CTTN: variants seen among roughly 807,000 people sequenced by gnomAD.
CTTN encodes cortactin, also known as src substrate cortactin.
In CTTN, 28 loss-of-function variants were observed where a neutral mutation model predicts 84.0. The ratio of observed to expected loss-of-function variants is 0.33; its 90% CI spans 0.25 to 0.46. CTTN has a LOEUF of 0.46. Ranked by LOEUF, CTTN falls within the 20% of genes least tolerant of loss-of-function variation. CTTN has a pLI of 1.00. For missense variants in CTTN, 641 were observed against 723.8 expected (o/e 0.89, Z 1.31); for synonymous variants, 301 against 288.8 (o/e 1.04, Z -0.43).
chr11:70,401,978 C>T (rs2057989513), intron 1 of CTTN, among the ~76,000 whole-genome samples: 1 of 151,750 alleles, frequency 6.6e-6, no homozygotes, highest in Admixed American at 6.6e-5. Flanking sequence ...ATAATGAAAC[C>T]CCATCTCTAC....
rs772972755 is a variant in CTTN at position 70,425,742 on chromosome 11, C to T, written c.1027+341C>T. Among the ~76,000 whole-genome samples, 27 of 152,144 alleles carry T rather than the reference C, an allele frequency of 1.8e-4. 1 individual carries two copies. The highest frequency in any genetic ancestry group is 3.9e-4 in the Admixed American group (6 of 15,276). On this transcript the variant is annotated intron_variant, in intron 13 of 17. Coordinates refer to ENST00000301843, the MANE Select transcript of CTTN (RefSeq NM_005231.4). The stretch of plus-strand genomic sequence containing the variant: ...CTGGGGCCTGCCCAACTCCCTGAGC[C>T]GCTCGGTCGCAGCTGTGACAGGAGG...
intron 5 of CTTN, among the ~76,000 whole-genome samples, chr11:70,414,030 A>G (rs1186826491): frequency 2.6e-5 from 4 of 152,120 alleles, no homozygotes; most frequent in South Asian, 4.1e-4. Context: ...CAGGAGCCCA[A>G]GGGCTGGGGT....
intron 8 of CTTN, among the ~76,000 whole-genome samples, chr11:70,418,419 AG>A (rs1223153987): frequency 6.6e-6 from 1 of 152,252 alleles, no homozygotes; most frequent in Non-Finnish European, 1.5e-5. Flanking sequence ...CCAGGGAGCC[AG>A]GGAGCACAGG....
intron 8 of CTTN, among the ~76,000 whole-genome samples, chr11:70,418,118 A>G (rs1424537913): frequency 6.9e-6 from 1 of 144,372 alleles, no homozygotes; most frequent in Admixed American, 7.1e-5. Flanking sequence ...CTATTTAAAA[A>G]CTCAAAAAAA....
chr11:70,433,619 GT>G, intron 16 of CTTN, 27 bp from the exon 17 acceptor site: 1 of 1,529,554 alleles, frequency 6.5e-7, no homozygotes, highest in African/African-American at 1.4e-5. Context: ...ACTTTGTATT[GT>G]TCAGCTCTGT....
intron 9 of CTTN, 199 bp from the exon 10 acceptor site, chr11:70,420,201 A>G (rs1470729878): frequency 1.6e-6 from 1 of 608,158 alleles, no homozygotes; most frequent in Admixed American, 2.9e-5. Flanking sequence ...CACGATGCTG[A>G]GGTCATAGAC....
chr11:70,422,972 G>A lies in CTTN; in HGVS notation c.934G>A (p.Val312Met), dbSNP rs1448464194. The A allele has an allele frequency of 1.2e-6, 2 of 1,613,936 alleles. No individual in the cohort carries two copies. The highest frequency in any genetic ancestry group is 1.7e-6 in the Non-Finnish European group (2 of 1,180,016). The change falls in exon 12 of 18, where the codon GTG (valine) becomes ATG (methionine). Residue 312 changes from valine to methionine, a missense_variant. Val to Met is a conservative substitution (Grantham distance 21). Around this residue, in one of 3 missense-constraint regions of CTTN, gnomAD observed 289 missense variants for 273.1 expected, o/e 1.06. Coordinates refer to ENST00000301843, the MANE Select transcript of CTTN (RefSeq NM_005231.4). ...CAAAGGATTCGGCGGGAAGTATGGG[G>A]TGCAGAAGGATCGGATGGATAAGGT... ...YSKGFGGKYG[V>M]QKDRMDKNAS...
intron 11 of CTTN, 127 bp from the exon 12 acceptor site, chr11:70,422,813 C>A: frequency 6.5e-7 from 1 of 1,528,736 alleles, no homozygotes. Context: ...CCTCGCTTGG[C>A]CATTCTCGTT....
chr11:70,417,807 G>T (rs926375095), intron 8 of CTTN, among the ~76,000 whole-genome samples: 2 of 152,166 alleles, frequency 1.3e-5, no homozygotes, highest in African/African-American at 4.8e-5. Flanking sequence ...AAACTTGACT[G>T]CAGGGAACAT....
At chr11:70,400,541 C>G (rs955650764) in intron 1 of CTTN, among the ~76,000 whole-genome samples, 20 of 152,240 alleles carry the variant, frequency 1.3e-4, no homozygotes, top group African/African-American at 4.8e-4. Context: ...AGCGATCCTC[C>G]CACCTCAGCC....
At chr11:70,403,977 C>T (rs11236162) in intron 1 of CTTN, among the ~76,000 whole-genome samples, 59 of 152,192 alleles carry the variant, frequency 3.9e-4, no homozygotes, top group African/African-American at 1.3e-3. Context: ...AGCTCCTGGG[C>T]TCAAGCAGTT....
chr11:70,419,707 T>A (rs770500143), intron 8 of CTTN, 39 bp from the exon 9 acceptor site: 1 of 1,535,078 alleles, frequency 6.5e-7, no homozygotes, highest in South Asian at 1.2e-5. Flanking sequence ...ACTGATTTCG[T>A]TGCTCCTTTT....
intron 13 of CTTN, 76 bp from the exon 14 acceptor site, chr11:70,428,975 G>C (rs2058326464): frequency 1.9e-6 from 3 of 1,564,626 alleles, no homozygotes; most frequent in Non-Finnish European, 2.6e-6. Context: ...AGGTCACTCT[G>C]TGTGGGTGGG....
In CTTN at chr11:70,409,832, A is replaced by T; in HGVS notation, c.163A>T (p.Ile55Leu). ...CCTATTTTCATCTCTTCCATCAAGC[A>T]TACACAAGCTGAGGGAGAATGTCTT... is the stretch of plus-strand genomic sequence containing the variant. ...QGSGHQEHINIHKLRENVFQE... is the reference protein window; with the variant it reads ...QGSGHQEHINLHKLRENVFQE... The change falls in exon 5 of 18, where the codon ATA becomes TTA. Residue 55 changes from isoleucine to leucine, a missense_variant and splice_region_variant. Transcript: ENST00000301843. 6.2e-7 allele frequency: 1 copy of T among 1,614,082 alleles called. No individual in the cohort carries two copies. The highest frequency in any genetic ancestry group is 8.5e-7 in the Non-Finnish European group (1 of 1,179,938).
intron 11 of CTTN, chr11:70,421,876 C>T (rs1019498604): frequency 8.3e-6 from 3 of 361,084 alleles, no homozygotes; most frequent in African/African-American, 2.1e-5. Flanking sequence ...GGGGCATCTC[C>T]GGTCTCCAGC....
chr11:70,405,710 C>CG (rs2058034639), intron 2 of CTTN, among the ~76,000 whole-genome samples: 1 of 152,158 alleles, frequency 6.6e-6, no homozygotes, highest in Non-Finnish European at 1.5e-5. Flanking sequence ...AAGCTGTGTC[C>CG]GGGAAGATGA....
At chr11:70,408,348 G>T (rs1052940457) in intron 4 of CTTN, 1 of 152,100 alleles carries the variant, frequency 6.6e-6, no homozygotes, top group Non-Finnish European at 1.5e-5. Context: ...AGAAAAGAAG[G>T]CACAGCCTGC....
chr11:70,435,972 T>C lies in CTTN; in HGVS notation c.*810T>C. On this transcript the variant is annotated 3_prime_UTR_variant, in exon 18 of 18. Transcript: ENST00000301843. ...GTCGGGCTTGGCTTTTCACAAAGGC[T>C]GATGTCTTAACTGTCACCCATATGG... The C allele has an allele frequency of 7.0e-7, 1 of 1,432,018 alleles. No homozygotes were observed. Among genetic ancestry groups the C allele is most frequent in the East Asian group, 2.5e-5 (1 of 39,664 alleles). 88.7% of individuals were successfully genotyped at this position (1,432,018 alleles called of 1,614,324 possible).
Position 70,435,910 on chromosome 11 carries a change from T to C in CTTN, c.*748T>C. On this transcript the variant is annotated 3_prime_UTR_variant, in exon 18 of 18. Coordinates refer to ENST00000301843, the MANE Select transcript of CTTN (RefSeq NM_005231.4). ...TTGAAATCCTCCCCTGCCCCGCGGGTCTCTGGATTGGGACGCACAGTGCAG... is the reference window on the plus strand; with the variant it reads ...TTGAAATCCTCCCCTGCCCCGCGGGCCTCTGGATTGGGACGCACAGTGCAG... The C allele has an allele frequency of 6.8e-7, 1 of 1,469,608 alleles. No individual in the cohort carries two copies. The highest frequency in any genetic ancestry group is 8.9e-7 in the Non-Finnish European group (1 of 1,120,686). The allele number at this position is 1,469,608 out of a possible 1,614,324, so 91.0% of individuals were successfully genotyped here.
Sources: gnomAD v4.1 joint callset for allele counts (sites outside exome capture counted in the v4.1 genomes callset) on GRCh38, gnomAD v4.1.1 for gene constraint, gnomAD v4.1.1 regional missense constraint, MANE v1.5 for transcripts, NCBI Gene and HGNC (gene_info 2026-07-23, HGNC 2026-07-21) for gene names.